GAS2: variants seen among roughly 807,000 people sequenced by gnomAD.
GAS2 encodes the protein growth arrest specific 2.
GAS2 carries 20 observed loss-of-function variants against 37.5 expected under a neutral mutation model. The observed-to-expected ratio is 0.53, with a 90% confidence interval of 0.37 to 0.77. GAS2 has a LOEUF of 0.77. Ranked by LOEUF, GAS2 falls within the 30% of genes least tolerant of loss-of-function variation. The probability of loss-of-function intolerance (pLI) is 0.00; values close to 1 mark genes in which losing one functional copy is unlikely to be tolerated. For missense variants in GAS2, 336 were observed against 373.4 expected (o/e 0.90, Z 0.82); for synonymous variants, 144 against 132.2 (o/e 1.09, Z -0.61).
At chr11:22,657,557 T>A (rs544694757) in intron 1 of GAS2, among the ~76,000 whole-genome samples, 1 of 151,938 alleles carries the variant, frequency 6.6e-6, no homozygotes, top group South Asian at 2.1e-4. Flanking sequence ...TCACACACAC[T>A]CACATGCACA....
intron 1 of GAS2, among the ~76,000 whole-genome samples, chr11:22,637,202 A>C (rs1320119363): frequency 8.3e-6 from 1 of 120,396 alleles, no homozygotes; most frequent in Non-Finnish European, 1.6e-5. Flanking sequence ...TTATATTAAT[A>C]TATTACTTAT....
intron 3 of GAS2, 76 bp from the exon 4 acceptor site, chr11:22,726,216 T>C: frequency 1.3e-5 from 19 of 1,451,798 alleles, no homozygotes; most frequent in Non-Finnish European, 1.8e-5. Flanking sequence ...AAGCATTTTG[T>C]TGAAAACATG....
At chr11:22,773,362 T>G (rs1267904223) in intron 7 of GAS2, among the ~76,000 whole-genome samples, 1 of 150,562 alleles carries the variant, frequency 6.6e-6, no homozygotes, top group Non-Finnish European at 1.5e-5. Flanking sequence ...TCTTTGCTCT[T>G]TATGTCCAAT....
Position 22,701,418 on chromosome 11 carries a change from T to C in GAS2, c.267+15629T>C, listed in dbSNP as rs78748050. ...TTCATGGTGAGAAAGATAGTTGTGA[T>C]TTAAAGGGTGTGATTTAAATGAAGA... On this transcript the variant is annotated intron_variant, in intron 3 of 7. Transcript: ENST00000454584. Among the ~76,000 whole-genome samples the C allele has an allele frequency of 2.1e-3, 320 of 152,254 alleles. 7 individuals are homozygous for C. The East Asian group carries it at 0.051, about 24-fold the overall frequency.
chr11:22,766,239 A>T (rs1027214213), intron 7 of GAS2, among the ~76,000 whole-genome samples: 3 of 123,626 alleles, frequency 2.4e-5, no homozygotes, highest in Admixed American at 1.6e-4. Flanking sequence ...CTTTCCTCGG[A>T]TTCTTTTTTT....
intron 7 of GAS2, among the ~76,000 whole-genome samples, chr11:22,785,841 C>T (rs1348890987): frequency 7.5e-6 from 1 of 133,998 alleles, no homozygotes; most frequent in East Asian, 2.2e-4. Context: ...GTACTTTTTT[C>T]GGGGAACTGG....
In GAS2 at chr11:22,812,520, A is replaced by G. The variant is rs923296486; in HGVS notation, c.*504A>G. ...CACTACACATAAGTACAGAGTATTC[A>G]CAATAGTAATATGTTACTGGAAAGG... On this transcript the variant is annotated 3_prime_UTR_variant, in exon 8 of 8. Transcript: ENST00000454584. 1 of 152,108 alleles carries G rather than the reference A, an allele frequency of 6.6e-6. No homozygotes were observed. Among genetic ancestry groups the G allele is most frequent in the African/African-American group, 2.4e-5 (1 of 40,884 alleles). The allele number at this position is 152,108 out of a possible 1,614,324, so 9.4% of individuals were successfully genotyped here.
intron 1 of GAS2, among the ~76,000 whole-genome samples, chr11:22,639,984 C>G (rs530427926): frequency 6.6e-6 from 1 of 152,226 alleles, no homozygotes; most frequent in South Asian, 2.1e-4. Flanking sequence ...TCATTACCAC[C>G]TGGACATCTA....
intron 3 of GAS2, among the ~76,000 whole-genome samples, chr11:22,700,740 T>A (rs1014079487): frequency 2.0e-5 from 3 of 152,196 alleles, no homozygotes; most frequent in African/African-American, 7.2e-5. Flanking sequence ...CAAGGCCTGA[T>A]TATACTGCTT....
intron 1 of GAS2, among the ~76,000 whole-genome samples, chr11:22,626,945 C>G (rs2133800283): frequency 6.6e-6 from 1 of 152,252 alleles, no homozygotes; most frequent in East Asian, 1.9e-4. Flanking sequence ...CATTCTGTCG[C>G]CCAGGCGCGG....
At chr11:22,755,771 G>T (rs376592737) in intron 6 of GAS2, 75 bp from the exon 7 acceptor site, 12 of 999,450 alleles carry the variant, frequency 1.2e-5, no homozygotes, top group Middle Eastern at 2.1e-4. Context: ...TTCAGGGGCC[G>T]TGGAGTCCTT....
At chr11:22,720,503 A>G (rs1851896636) in intron 3 of GAS2, among the ~76,000 whole-genome samples, 1 of 152,080 alleles carries the variant, frequency 6.6e-6, no homozygotes, top group African/African-American at 2.4e-5. Flanking sequence ...TGATACTATG[A>G]ATGTTCAAGG....
At chr11:22,779,726 C>G (rs1855456879) in intron 7 of GAS2, among the ~76,000 whole-genome samples, 5 of 150,140 alleles carry the variant, frequency 3.3e-5, no homozygotes, top group Admixed American at 3.3e-4. Context: ...AAAAAAAAAC[C>G]AAACAAACAA....
chr11:22,793,917 A>T (rs1024567092), intron 7 of GAS2, among the ~76,000 whole-genome samples: 1 of 152,150 alleles, frequency 6.6e-6, no homozygotes, highest in Admixed American at 6.5e-5. Flanking sequence ...CAGTGGCTAG[A>T]TTGTGCCTAA....
At chr11:22,669,162 C>G (rs925489616) in intron 1 of GAS2, among the ~76,000 whole-genome samples, 3 of 152,086 alleles carry the variant, frequency 2.0e-5, no homozygotes, top group African/African-American at 7.2e-5. Context: ...TTAACTAAAA[C>G]AGAAATCTTT....
At chr11:22,665,394 G>A (rs1234494680), upstream of GAS2, among the ~76,000 whole-genome samples, 3 of 152,048 alleles carry the variant, frequency 2.0e-5, no homozygotes, top group African/African-American at 2.4e-5. Context: ...GGGGCTCTAG[G>A]AATACTCAGA....
intron 7 of GAS2, among the ~76,000 whole-genome samples, chr11:22,781,309 C>T (rs1404092985): frequency 6.6e-6 from 1 of 152,096 alleles, no homozygotes; most frequent in Non-Finnish European, 1.5e-5. Flanking sequence ...AGAACTAGGC[C>T]ACGTGGAGAG....
rs563870852 is a variant in GAS2, at chr11:22,737,944, C to G, written c.473+176C>G. On this transcript the variant is annotated intron_variant, in intron 5 of 7. Transcript: ENST00000454584. The stretch of plus-strand genomic sequence containing the variant: ...AGTTAACCAAATTAAAAGTGTGCCA[C>G]CAATATTCCTAACCTCAAGATCTTG... 5.9e-5 allele frequency among the ~76,000 whole-genome samples: 9 copies of G among 152,282 alleles called. No individual in the cohort carries two copies. In the South Asian group the frequency reaches 1.9e-3, roughly 32 times the overall value.
chr11:22,744,592 C>A (rs1307811945), intron 5 of GAS2, among the ~76,000 whole-genome samples: 1 of 151,938 alleles, frequency 6.6e-6, no homozygotes, highest in East Asian at 1.9e-4. Flanking sequence ...GGATAAAATG[C>A]AACATCCCTT....
Sources: gnomAD v4.1 joint callset for allele counts (sites outside exome capture counted in the v4.1 genomes callset) on GRCh38, gnomAD v4.1.1 for gene constraint, MANE v1.5 for transcripts, NCBI Gene and HGNC (gene_info 2026-07-23, HGNC 2026-07-21) for gene names.